SCN8A: variants seen among roughly 807,000 people sequenced by gnomAD.
SCN8A encodes sodium channel protein type 8 subunit alpha.
SCN8A carries 30 observed loss-of-function variants against 184.1 expected under a neutral mutation model. The observed-to-expected ratio is 0.16, with a 90% CI of 0.12 to 0.22. SCN8A has a LOEUF of 0.22. SCN8A is among the 10% of genes least tolerant of loss of function. The pLI, the probability that SCN8A is intolerant of heterozygous loss-of-function variation, is 1.00. For missense variants in SCN8A, 1,057 were observed against 2,498.9 expected, an observed-to-expected ratio of 0.42 and a Z score of 12.30; for synonymous variants, 852 against 907.0, an observed-to-expected ratio of 0.94 and a Z score of 1.09.
At chr12:51,773,126 A>G (rs1942954728) in intron 19 of SCN8A, among the ~76,000 whole-genome samples, 1 of 152,100 alleles carries the variant, frequency 6.6e-6, no homozygotes, top group Non-Finnish European at 1.5e-5. Flanking sequence ...CCAAAAAAAA[A>G]AAAAGAGAGA....
intron 1 of SCN8A, among the ~76,000 whole-genome samples, chr12:51,632,236 G>A (rs1432692630): frequency 6.6e-6 from 1 of 152,156 alleles, no homozygotes; most frequent in Admixed American, 6.6e-5. Flanking sequence ...CTTTCCTGCA[G>A]TACTCATTAC....
chr12:51,594,970 A>G (rs1939313047), intron 1 of SCN8A, among the ~76,000 whole-genome samples: 1 of 152,168 alleles, frequency 6.6e-6, no homozygotes, highest in Admixed American at 6.5e-5. Flanking sequence ...ATGTTCCAAA[A>G]AAAACTGTAA....
At chr12:51,664,551 C>CTA (rs1214236631) in intron 2 of SCN8A, among the ~76,000 whole-genome samples, 1 of 152,064 alleles carries the variant, frequency 6.6e-6, no homozygotes, top group Non-Finnish European at 1.5e-5. Flanking sequence ...ATTGTCCAAG[C>CTA]TACCACAGAT....
intron 21 of SCN8A, among the ~76,000 whole-genome samples, chr12:51,782,290 A>G (rs912337366): frequency 6.6e-6 from 1 of 152,240 alleles, no homozygotes; most frequent in South Asian, 2.1e-4. Flanking sequence ...GGCTAAATTT[A>G]GGAAGAGAGT....
At chr12:51,750,419 G>T (rs1274570183) in intron 13 of SCN8A, among the ~76,000 whole-genome samples, 1 of 152,172 alleles carries the variant, frequency 6.6e-6, no homozygotes, top group Non-Finnish European at 1.5e-5. Flanking sequence ...AAAAGCAAAG[G>T]ATGAGAGCAG....
At chr12:51,780,344 G>C in intron 20 of SCN8A, 1 of 353,716 alleles carries the variant, frequency 2.8e-6, no homozygotes, top group Non-Finnish European at 5.5e-6. Flanking sequence ...TCTCCTGTCA[G>C]CCTCTCCCCT....
rs537367975 is a variant in SCN8A at position 51,751,022 on chromosome 12, T to C, written c.2132-333T>C. Among the ~76,000 whole-genome samples the C allele has an allele frequency of 1.2e-4, 19 of 152,316 alleles. No homozygotes were observed. The South Asian group carries it at 2.5e-3, about 20-fold the overall frequency. ...GAGGCAGCTGAGCAGAGAAATCAGCTACCTTGCCTGGGATCACACAACTTG... is the reference window on the plus strand; with the variant it reads ...GAGGCAGCTGAGCAGAGAAATCAGCCACCTTGCCTGGGATCACACAACTTG... On this transcript the variant is annotated intron_variant, in intron 13 of 26. Transcript: ENST00000627620.
chr12:51,797,830 A>T lies in SCN8A; in HGVS notation c.4795+3189A>T, dbSNP rs191602628. Among the ~76,000 whole-genome samples, 111 of 152,324 alleles carry T rather than the reference A, an allele frequency of 7.3e-4. No homozygotes were observed. The East Asian group carries it at 0.021, about 29-fold the overall frequency. ...GGTAGCCCAAAGTGGCTAGGTGGCC[A>T]TCTTAACTTCAGGTTTAATGGAATC... On this transcript the variant is annotated intron_variant, in intron 26 of 26. Transcript: ENST00000627620.
chr12:51,738,148 A>C (rs1942358205), intron 12 of SCN8A, among the ~76,000 whole-genome samples: 1 of 152,224 alleles, frequency 6.6e-6, no homozygotes, highest in African/African-American at 2.4e-5. Flanking sequence ...CAAACCATGC[A>C]AATTTTTTTC....
intron 13 of SCN8A, among the ~76,000 whole-genome samples, chr12:51,748,692 C>T (rs1942550786): frequency 6.6e-6 from 1 of 152,188 alleles, no homozygotes. Flanking sequence ...ATAGCTATTG[C>T]TGCCACTATT....
At chr12:51,781,635 TGTGC>T (rs768779897) in intron 21 of SCN8A, among the ~76,000 whole-genome samples, 4 of 152,244 alleles carry the variant, frequency 2.6e-5, no homozygotes, top group Middle Eastern at 3.4e-3. Flanking sequence ...CAATTGTGCG[TGTGC>T]GTGCGTGCAC....
At chr12:51,620,827 A>T (rs1220607238) in intron 1 of SCN8A, among the ~76,000 whole-genome samples, 10 of 136,896 alleles carry the variant, frequency 7.3e-5, no homozygotes, top group African/African-American at 2.7e-4. Context: ...ATCTCTATTT[A>T]AAAAAAAAAA....
At position 51,755,441 on chromosome 12, in the gene SCN8A, T is replaced by C. The variant is rs374362309; in HGVS notation, c.2370+3848T>C. Reference sequence around the variant, plus strand: ...TACCACAAGGTATTCCAGGATACTTTCGTGTTTTTCCAGCCCCAGGGCTGG... The same window carrying C: ...TACCACAAGGTATTCCAGGATACTTCCGTGTTTTTCCAGCCCCAGGGCTGG... On this transcript the variant is annotated intron_variant, in intron 14 of 26. Coordinates refer to ENST00000627620, the MANE Select transcript of SCN8A (RefSeq NM_001330260.2). Among the ~76,000 whole-genome samples the C allele has an allele frequency of 2.0e-4, 30 of 152,300 alleles. No homozygotes were observed. The East Asian group carries it at 3.9e-3, about 20-fold the overall frequency.
intron 14 of SCN8A, among the ~76,000 whole-genome samples, chr12:51,758,343 T>C (rs1005226533): frequency 6.6e-6 from 1 of 152,158 alleles, no homozygotes; most frequent in Non-Finnish European, 1.5e-5. Flanking sequence ...AAATAACATA[T>C]TGGTGTGGGG....
rs117974651 is a variant in SCN8A, at chr12:51,647,949, T to C, written c.-54-14815T>C. Among the ~76,000 whole-genome samples the C allele has an allele frequency of 2.0e-5, 3 of 152,324 alleles. No individual in the cohort carries two copies. The East Asian group carries it at 5.8e-4, about 29-fold the overall frequency. ...TCTCGCAGTCCTCAGAGTCTAGCTA[T>C]AGTTCTGTACCAAGCTTCTTATCTT... On this transcript the variant is annotated intron_variant, in intron 1 of 26. Coordinates refer to ENST00000627620, the MANE Select transcript of SCN8A (RefSeq NM_001330260.2).
chr12:51,660,259 T>A (rs1940901364), intron 1 of SCN8A, among the ~76,000 whole-genome samples: 1 of 152,098 alleles, frequency 6.6e-6, no homozygotes, highest in African/African-American at 2.4e-5. Context: ...GAGGACACAG[T>A]CTTGGAGAAG....
At chr12:51,656,032 G>A (rs1940816048) in intron 1 of SCN8A, among the ~76,000 whole-genome samples, 1 of 152,184 alleles carries the variant, frequency 6.6e-6, no homozygotes, top group African/African-American at 2.4e-5. Context: ...ATTGAACTAG[G>A]TGGTCTCTAA....
intron 2 of SCN8A, among the ~76,000 whole-genome samples, chr12:51,674,843 C>T (rs1392703166): frequency 1.3e-5 from 2 of 152,182 alleles, no homozygotes; most frequent in African/African-American, 2.4e-5. Context: ...ATGGCACCCA[C>T]TTTATCAATA....
intron 1 of SCN8A, among the ~76,000 whole-genome samples, chr12:51,657,716 A>T (rs892544374): frequency 1.3e-5 from 2 of 152,020 alleles, no homozygotes; most frequent in African/African-American, 4.8e-5. Flanking sequence ...CAATGTCCTG[A>T]AGTGTTTCTC....
Sources: gnomAD v4.1 joint callset for allele counts (sites outside exome capture counted in the v4.1 genomes callset) on GRCh38, gnomAD v4.1.1 for gene constraint, MANE v1.5 for transcripts, NCBI Gene and HGNC (gene_info 2026-07-23, HGNC 2026-07-21) for gene names.